Variants in MEF2A observed in about 807,000 individuals in gnomAD.
MEF2A encodes the protein myocyte enhancer factor 2A, also known as myocyte-specific enhancer factor 2A.
Under a neutral mutation model 55.8 loss-of-function variants are expected in MEF2A, and 28 were observed. That is an observed-to-expected ratio of 0.50 (90% CI 0.37 to 0.69). The LOEUF (loss-of-function observed/expected upper bound fraction) is 0.69, where lower values mean the gene tolerates loss of function less well. Among genes scored for constraint, MEF2A ranks in the 30% least tolerant of loss-of-function variants. The pLI is 0.00. For synonymous variants in MEF2A, 239 were observed against 227.1 expected (o/e 1.05, Z -0.47); for missense variants, 528 against 626.2 (o/e 0.84, Z 1.67).
intron 4 of MEF2A, among the ~76,000 whole-genome samples, chr15:99,658,337 C>A (rs2048085962): frequency 6.6e-6 from 1 of 151,960 alleles, no homozygotes; most frequent in Admixed American, 6.6e-5. Context: ...TCCATAACCG[C>A]AGAGAGAATT....
intron 7 of MEF2A, among the ~76,000 whole-genome samples, chr15:99,678,366 G>A (rs1410852892): frequency 6.6e-6 from 1 of 152,098 alleles, no homozygotes; most frequent in African/African-American, 2.4e-5. Context: ...GTACTGGAAA[G>A]GAATGTTTAT....
rs371903721 is a variant in MEF2A, at chr15:99,703,365, G to A, written c.862G>A (p.Glu288Lys). The A allele has an allele frequency of 2.5e-6, 4 of 1,611,868 alleles. No homozygotes were observed. The highest frequency in any genetic ancestry group is 3.4e-6 in the Non-Finnish European group (4 of 1,178,892). ...CCCTCTTATGTGCTGAGTACAGTCG[G>A]AGGAAGAGGAATTGGAGTTGGTGAG... ...SSKGMMPPLSEEEELELNTQR... is the reference protein window; with the variant it reads ...SSKGMMPPLSKEEELELNTQR... Residue 288 changes from glutamate to lysine, a missense_variant, in exon 9 of 12, where the codon GAG becomes AAG. Glu to Lys is a moderately conservative substitution (Grantham distance 56). Transcript: ENST00000557942.
intron 2 of MEF2A, among the ~76,000 whole-genome samples, chr15:99,608,901 CAAA>C (rs35786772): frequency 7.2e-6 from 1 of 138,384 alleles, no homozygotes; most frequent in Non-Finnish European, 1.6e-5. Context: ...AACTCCGTCT[CAAA>C]AAAAAAAAAG....
At chr15:99,585,994 G>A (rs759072234) in intron 1 of MEF2A, among the ~76,000 whole-genome samples, 3 of 151,820 alleles carry the variant, frequency 2.0e-5, no homozygotes, top group Non-Finnish European at 2.9e-5. Context: ...AAATGTTTTC[G>A]TGATTCATCT....
At chr15:99,626,748 T>TATA (rs572907452) in intron 2 of MEF2A, among the ~76,000 whole-genome samples, 4 of 152,214 alleles carry the variant, frequency 2.6e-5, no homozygotes, top group Non-Finnish European at 4.4e-5. Flanking sequence ...TTAACATCTT[T>TATA]ATAAAGTTGA....
At chr15:99,583,914 C>G (rs764815794) in intron 1 of MEF2A, among the ~76,000 whole-genome samples, 1 of 152,010 alleles carries the variant, frequency 6.6e-6, no homozygotes, top group Non-Finnish European at 1.5e-5. Context: ...TTGTGAACAT[C>G]ATAGAGTGCA....
chr15:99,698,519 G>A (rs181331546), intron 8 of MEF2A, among the ~76,000 whole-genome samples: 22 of 152,268 alleles, frequency 1.4e-4, no homozygotes, highest in South Asian at 6.2e-4. Context: ...ACGGCTGGGC[G>A]CGGTGGCTCA....
chr15:99,601,763 A>G (rs886514776), intron 2 of MEF2A, among the ~76,000 whole-genome samples: 1 of 151,420 alleles, frequency 6.6e-6, no homozygotes, highest in African/African-American at 2.4e-5. Flanking sequence ...TCTTTTAAAA[A>G]GTCTACATTC....
At chr15:99,585,756 T>C (rs541061437) in intron 1 of MEF2A, among the ~76,000 whole-genome samples, 9 of 152,342 alleles carry the variant, frequency 5.9e-5, no homozygotes, top group African/African-American at 1.7e-4. Flanking sequence ...CATTTATAGA[T>C]GAGGAAACAG....
chr15:99,660,287 C>T (rs147787423), intron 4 of MEF2A, among the ~76,000 whole-genome samples: 23 of 152,264 alleles, frequency 1.5e-4, no homozygotes, highest in East Asian at 7.7e-4. Flanking sequence ...CCCCGACCTC[C>T]GCCTGGGAGA....
intron 2 of MEF2A, among the ~76,000 whole-genome samples, chr15:99,627,490 G>A (rs1474734752): frequency 7.1e-6 from 1 of 141,694 alleles, no homozygotes; most frequent in Non-Finnish European, 1.5e-5. Context: ...TTTTTTTGGT[G>A]TTGGCTTTAT....
intron 2 of MEF2A, among the ~76,000 whole-genome samples, chr15:99,629,130 C>T (rs2042513595): frequency 6.6e-6 from 1 of 152,134 alleles, no homozygotes; most frequent in Admixed American, 6.5e-5. Flanking sequence ...ATTTTTCTGG[C>T]TGCTTTTAAG....
intron 7 of MEF2A, 50 bp from the exon 8 acceptor site, chr15:99,690,191 A>G: frequency 6.4e-7 from 1 of 1,551,070 alleles, no homozygotes; most frequent in Non-Finnish European, 8.8e-7. Context: ...TTTGTGCCAA[A>G]GTATTTTAAT....
Position 99,671,474 on chromosome 15 carries a change from C to T in MEF2A, c.390+20C>T, listed in dbSNP as rs905788890. 6.2e-6 allele frequency: 10 copies of T among 1,613,598 alleles called. No individual in the cohort carries two copies. The highest frequency in any genetic ancestry group is 7.6e-6 in the Non-Finnish European group (9 of 1,179,728). ...GGCCCTGTAAGTACTTTTACTTTAC[C>T]TCTACTTTTTATTTGTTGATCCTTT... On this transcript the variant is annotated intron_variant, in intron 5 of 11. Coordinates refer to ENST00000557942, the MANE Select transcript of MEF2A (RefSeq NM_001319206.4).
intron 7 of MEF2A, among the ~76,000 whole-genome samples, chr15:99,680,395 T>G (rs1051555056): frequency 2.0e-5 from 3 of 152,228 alleles, no homozygotes; most frequent in African/African-American, 4.8e-5. Context: ...ATTAGCACTT[T>G]TTATTGTGAT....
chr15:99,641,450 G>A (rs542363851), intron 3 of MEF2A, among the ~76,000 whole-genome samples: 7 of 152,218 alleles, frequency 4.6e-5, no homozygotes, highest in African/African-American at 1.4e-4. Flanking sequence ...TCGGCCGGGC[G>A]CGTTGGCTCA....
Position 99,714,741 on chromosome 15 carries a change from C to CTAT in MEF2A, c.*1972_*1974dup, listed in dbSNP as rs1474852447. ...AAAAAACTCAAGGGTTTAAAAATTG[C>CTAT]TATTTTATATTTTAAATGATATTGA... On this transcript the variant is annotated 3_prime_UTR_variant, in exon 12 of 12. Transcript: ENST00000557942. 4.6e-5 allele frequency: 7 copies of CTAT among 151,756 alleles called. No individual in the cohort carries two copies. Among genetic ancestry groups the CTAT allele is most frequent in the African/African-American group, 1.2e-4 (5 of 41,264 alleles). 9.4% of individuals were successfully genotyped at this position (151,756 alleles called of 1,614,324 possible). A position where few individuals can be genotyped will look rare whatever the true frequency, so the allele number is the denominator to read the frequency against.
intron 7 of MEF2A, chr15:99,678,633 A>G: frequency 2.0e-6 from 2 of 984,678 alleles, no homozygotes; most frequent in Non-Finnish European, 2.4e-6. Context: ...CTTCCCTAAA[A>G]TTGGAATACT....
intron 4 of MEF2A, among the ~76,000 whole-genome samples, chr15:99,649,600 GT>G (rs1353974655): frequency 6.6e-6 from 1 of 151,920 alleles, no homozygotes; most frequent in East Asian, 1.9e-4. Flanking sequence ...TAACTCCTTA[GT>G]TTTTCTTTTC....
Sources: allele counts gnomAD v4.1 joint callset (sites outside exome capture counted in the v4.1 genomes callset), GRCh38; gene constraint gnomAD v4.1.1; transcripts MANE v1.5; gene names NCBI Gene and HGNC (gene_info 2026-07-23, HGNC 2026-07-21).